KIF5C: variants seen among roughly 807,000 people sequenced by gnomAD.
The protein encoded by KIF5C is kinesin family member 5C.
Under a neutral mutation model 125.2 loss-of-function variants are expected in KIF5C, and 18 were observed. The observed-to-expected ratio is 0.14, with a 90% CI of 0.10 to 0.21. The LOEUF (loss-of-function observed/expected upper bound fraction) is 0.21, where lower values mean the gene tolerates loss of function less well. Ranked by LOEUF, KIF5C falls within the 10% of genes least tolerant of loss-of-function variation. The probability of loss-of-function intolerance (pLI) is 1.00; values close to 1 mark genes in which losing one functional copy is unlikely to be tolerated. For missense variants in KIF5C, 780 were observed against 1,183.8 expected (o/e 0.66, Z 5.01); for synonymous variants, 405 against 434.0 (o/e 0.93, Z 0.83).
intron 12 of KIF5C, 24 bp from the exon 13 acceptor site, chr2:148,978,898 A>C (rs1681152468): frequency 6.3e-7 from 1 of 1,575,908 alleles, no homozygotes; most frequent in Non-Finnish European, 8.6e-7. Flanking sequence ...TAACCAAAAA[A>C]ACAAACATGA....
At position 149,005,472 on chromosome 2, in the gene KIF5C, C is replaced by A. The variant is rs1277305143; in HGVS notation, c.2445+8C>A. On this transcript the variant is annotated splice_region_variant and intron_variant, in intron 22 of 25. Coordinates refer to ENST00000435030, the MANE Select transcript of KIF5C (RefSeq NM_004522.3). ...ACCACCCGAGTTAAAAAAGTGAGTT[C>A]TCTTTGTCTGAATGGGACTGAGAAG... 1.9e-6 allele frequency: 3 copies of A among 1,613,206 alleles called. No homozygotes were observed. The highest frequency in any genetic ancestry group is 2.7e-5 in the African/African-American group (2 of 74,934).
At chr2:148,894,311 A>G (rs754949395) in intron 1 of KIF5C, among the ~76,000 whole-genome samples, 146 of 152,202 alleles carry the variant, frequency 9.6e-4, no homozygotes, top group Non-Finnish European at 1.6e-3. Flanking sequence ...TCCTTCTACC[A>G]AAATATAGAA....
chr2:148,962,191 AGT>A (rs1273535735), intron 11 of KIF5C, 72 bp downstream of exon 11: 1 of 1,485,258 alleles, frequency 6.7e-7, no homozygotes, highest in Non-Finnish European at 8.9e-7. Flanking sequence ...TTTGAGACAG[AGT>A]CTCTCTCTGT....
intron 15 of KIF5C, among the ~76,000 whole-genome samples, chr2:148,988,388 A>T (rs779571608): frequency 1.4e-4 from 21 of 152,268 alleles, no homozygotes; most frequent in Admixed American, 4.6e-4. Context: ...TCTAGCTCTT[A>T]TTTTGGAGGA....
intron 11 of KIF5C, among the ~76,000 whole-genome samples, chr2:148,962,989 C>G (rs1682965607): frequency 6.6e-6 from 1 of 152,020 alleles, no homozygotes; most frequent in Non-Finnish European, 1.5e-5. Flanking sequence ...TTCCTTCTTC[C>G]CCAAAACATT....
At chr2:148,988,938 A>G (rs1213519975) in intron 15 of KIF5C, among the ~76,000 whole-genome samples, 1 of 152,212 alleles carries the variant, frequency 6.6e-6, no homozygotes, top group East Asian at 1.9e-4. Context: ...GTCACTTGAC[A>G]TGTACTATTG....
Position 148,991,053 on chromosome 2 carries a change from C to T in KIF5C, c.1760C>T (p.Ala587Val), listed in dbSNP as rs1448898502. 1 of 1,613,692 alleles carries T rather than the reference C, an allele frequency of 6.2e-7. No individual in the cohort carries two copies. Among genetic ancestry groups the T allele is most frequent in the Non-Finnish European group, 8.5e-7 (1 of 1,179,752 alleles). Residue 587 changes from alanine (A) to valine (V), a missense_variant, in exon 16 of 26, where the codon GCC becomes GTC. Physicochemically the swap from Ala to Val is moderately conservative, Grantham distance 64 (BLOSUM62 0). Coordinates refer to ENST00000435030, the MANE Select transcript of KIF5C (RefSeq NM_004522.3). ...NGVIEEEFTM[A>V]RLYISKMKSE... Reference sequence around the variant, plus strand: ...GTCATTGAGGAGGAGTTTACCATGGCCCGCCTGTACATCAGCAAGATGAAG... The same window carrying T: ...GTCATTGAGGAGGAGTTTACCATGGTCCGCCTGTACATCAGCAAGATGAAG...
intron 21 of KIF5C, among the ~76,000 whole-genome samples, chr2:149,001,721 A>G (rs1199865453): frequency 2.0e-5 from 3 of 152,344 alleles, no homozygotes; most frequent in Admixed American, 1.3e-4. Context: ...GACCATTCTA[A>G]CATAGCCTCT....
intron 17 of KIF5C, 120 bp from the exon 18 acceptor site, chr2:148,997,144 C>A: frequency 7.0e-7 from 1 of 1,428,516 alleles, no homozygotes; most frequent in South Asian, 1.5e-5. Context: ...GTTGTAATTG[C>A]TGATATAAGC....
chr2:149,017,886 C>G (rs1319670924), intron 25 of KIF5C, among the ~76,000 whole-genome samples: 1 of 152,084 alleles, frequency 6.6e-6, no homozygotes, highest in African/African-American at 2.4e-5. Flanking sequence ...TCCAAACCAC[C>G]AAACTTCACA....
chr2:149,008,705 A>G (rs2105197547), intron 23 of KIF5C, among the ~76,000 whole-genome samples: 1 of 152,324 alleles, frequency 6.6e-6, no homozygotes, highest in Admixed American at 6.5e-5. Context: ...TGGTGTGTGC[A>G]TGGCTGTTTT....
intron 8 of KIF5C, among the ~76,000 whole-genome samples, chr2:148,948,395 C>G (rs1682576740): frequency 6.6e-6 from 1 of 151,012 alleles, no homozygotes. Context: ...GGGCTTGTAA[C>G]TTTAGTTAAA....
chr2:148,917,281 C>T (rs1558891717), intron 1 of KIF5C, among the ~76,000 whole-genome samples: 1 of 152,112 alleles, frequency 6.6e-6, no homozygotes, highest in Non-Finnish European at 1.5e-5. Flanking sequence ...CTTTTGTTAC[C>T]TCATAATCAC....
intron 1 of KIF5C, among the ~76,000 whole-genome samples, chr2:148,892,565 T>A (rs1394615885): frequency 6.6e-6 from 1 of 152,250 alleles, no homozygotes; most frequent in Non-Finnish European, 1.5e-5. Context: ...AATTGGCTTC[T>A]CTGTCATGCT....
At chr2:149,018,842 A>G (rs986320737) in intron 25 of KIF5C, among the ~76,000 whole-genome samples, 3 of 151,452 alleles carry the variant, frequency 2.0e-5, no homozygotes, top group African/African-American at 7.3e-5. Flanking sequence ...TCAAAAAAAC[A>G]AACAAAAAAG....
chr2:148,911,356 T>C (rs545129833), intron 1 of KIF5C, among the ~76,000 whole-genome samples: 22 of 152,122 alleles, frequency 1.4e-4, no homozygotes, highest in Non-Finnish European at 2.9e-4. Context: ...GAATGCAGCA[T>C]CCAGGGGGGC....
chr2:148,937,902 C>G (rs1425416275), intron 4 of KIF5C, among the ~76,000 whole-genome samples: 3 of 152,214 alleles, frequency 2.0e-5, no homozygotes, highest in Non-Finnish European at 2.9e-5. Context: ...CATTTCTCCT[C>G]CTAAGAGTAT....
intron 16 of KIF5C, among the ~76,000 whole-genome samples, chr2:148,993,572 T>C (rs1242242456): frequency 6.6e-6 from 1 of 152,228 alleles, no homozygotes; most frequent in Non-Finnish European, 1.5e-5. Flanking sequence ...AAAACTGTGC[T>C]TATAAGATGA....
chr2:149,018,468 TA>T (rs1205142723), intron 25 of KIF5C, among the ~76,000 whole-genome samples: 1 of 152,172 alleles, frequency 6.6e-6, no homozygotes, highest in African/African-American at 2.4e-5. Context: ...GATCCTGGGC[TA>T]AGAGCGATGA....
Sources: allele counts gnomAD v4.1 joint callset (sites outside exome capture counted in the v4.1 genomes callset), GRCh38; gene constraint gnomAD v4.1.1; transcripts MANE v1.5; gene names NCBI Gene and HGNC (gene_info 2026-07-23, HGNC 2026-07-21).